The following DSTYK variants were observed in gnomAD, a reference collection of about 807,000 sequenced individuals.
The protein encoded by DSTYK is RIP-homologous kinase.
DSTYK carries 34 observed loss-of-function variants against 98.7 expected under a neutral mutation model. The ratio of observed to expected loss-of-function variants is 0.34; its 90% CI spans 0.26 to 0.46. The LOEUF is 0.46. Among genes scored for constraint, DSTYK ranks in the 20% least tolerant of loss-of-function variants. The pLI, the probability that DSTYK is intolerant of heterozygous loss-of-function variation, is 1.00. For missense variants in DSTYK, 962 were observed against 1,181.7 expected (o/e 0.81, Z 2.73); for synonymous variants, 462 against 457.3 (o/e 1.01, Z -0.13).
rs1330967135 is a variant in DSTYK, at chr1:205,146,690, G to C, written c.*868C>G. Reference sequence around the variant, plus strand: ...AGGTTCAAGCGATTCTCCTGCCTCAGCCTCCTGAGTATCTTGGATTACAGG... The same window carrying C: ...AGGTTCAAGCGATTCTCCTGCCTCACCCTCCTGAGTATCTTGGATTACAGG... On this transcript the variant is annotated 3_prime_UTR_variant, in exon 13 of 13. Transcript: ENST00000367162. 3 of 151,468 alleles carry C rather than the reference G, an allele frequency of 2.0e-5. No individual in the cohort carries two copies. The highest frequency in any genetic ancestry group is 2.9e-5 in the Non-Finnish European group (2 of 68,172). The allele number at this position is 151,468 out of a possible 1,614,324, so 9.4% of individuals were successfully genotyped here. A position where few individuals can be genotyped will look rare whatever the true frequency, so the allele number is the denominator to read the frequency against.
intron 11 of DSTYK, 63 bp from the exon 12 acceptor site, chr1:205,148,402 A>C: frequency 6.3e-7 from 1 of 1,598,398 alleles, no homozygotes; most frequent in Non-Finnish European, 8.5e-7. Context: ...CATCTACACC[A>C]CCTTGCCTCA....
At chr1:205,190,982 A>G (rs1448066460) in intron 1 of DSTYK, among the ~76,000 whole-genome samples, 1 of 152,202 alleles carries the variant, frequency 6.6e-6, no homozygotes, top group Non-Finnish European at 1.5e-5. Flanking sequence ...CAAAGTGTCA[A>G]CTACAGGACA....
chr1:205,181,184 C>A (rs1558616156), intron 2 of DSTYK, among the ~76,000 whole-genome samples: 1 of 152,092 alleles, frequency 6.6e-6, no homozygotes, highest in Non-Finnish European at 1.5e-5. Flanking sequence ...TGGAGTTGAC[C>A]ATTTTTTGGC....
chr1:205,196,506 A>T (rs1574794968), intron 1 of DSTYK, among the ~76,000 whole-genome samples: 1 of 152,146 alleles, frequency 6.6e-6, no homozygotes, highest in East Asian at 1.9e-4. Flanking sequence ...GTGAGCTATG[A>T]TCACACTACT....
chr1:205,204,369 A>C (rs1403069379), intron 1 of DSTYK, among the ~76,000 whole-genome samples: 4 of 151,934 alleles, frequency 2.6e-5, no homozygotes, highest in Non-Finnish European at 2.9e-5. Context: ...TCTAGCTCAA[A>C]ACTGTTCTGT....
At chr1:205,161,076 GTCAT>G (rs929765061) in intron 7 of DSTYK, among the ~76,000 whole-genome samples, 178 bp downstream of exon 7, 7 of 152,120 alleles carry the variant, frequency 4.6e-5, no homozygotes, top group Non-Finnish European at 8.8e-5. Flanking sequence ...ACCTGGCCTG[GTCAT>G]GTTATTTGAA....
In DSTYK at chr1:205,211,503, C is replaced by A; in HGVS notation, c.33G>T (p.Glu11Asp). 1 of 1,571,476 alleles carries A rather than the reference C, an allele frequency of 6.4e-7. No homozygotes were observed. Reference sequence around the variant, plus strand: ...CGCCGGGGCCGGGACCCGAGACGGGCTCGCTGCCCCATGGCACCCCGTCGC... The same window carrying A: ...CGCCGGGGCCGGGACCCGAGACGGGATCGCTGCCCCATGGCACCCCGTCGC... MEGDGVPWGS[E>D]PVSGPGPGGG... is the part of the protein sequence containing the mutation. Residue 11 changes from glutamate to aspartate, a missense_variant, in exon 1 of 13, where the codon GAG (glutamate) becomes GAT (aspartate). Transcript: ENST00000367162.
intron 9 of DSTYK, 76 bp downstream of exon 9, chr1:205,159,471 A>G: frequency 6.8e-7 from 1 of 1,460,338 alleles, no homozygotes; most frequent in Non-Finnish European, 9.2e-7. Flanking sequence ...AAAAGCTCTT[A>G]ATAAACAGGA....
At chr1:205,152,505 C>T (rs950621384) in intron 10 of DSTYK, among the ~76,000 whole-genome samples, 2 of 152,212 alleles carry the variant, frequency 1.3e-5, no homozygotes, top group Admixed American at 6.5e-5. Context: ...CGGACTACAT[C>T]GTATATGTGG....
At chr1:205,201,013 C>T (rs998569274) in intron 1 of DSTYK, among the ~76,000 whole-genome samples, 3 of 152,020 alleles carry the variant, frequency 2.0e-5, no homozygotes, top group Non-Finnish European at 4.4e-5. Flanking sequence ...TCAAGCTGTT[C>T]TCCTGCCTCA....
rs757596231 is a variant in DSTYK at position 205,161,352 on chromosome 1, C to T, written c.1854G>A (p.Thr618=). The change falls in exon 7 of 13, where the codon ACG becomes ACA. Residue 618 remains threonine, a synonymous_variant. Coordinates refer to ENST00000367162, the MANE Select transcript of DSTYK (RefSeq NM_015375.3). ...TCCGAACCCTCAGCCATAGATCTTC[C>T]GTTTTCTCTAACCGGCCTGAGTGGC... ...EAGHSGRLEK[T]EDLWLRVRKD... is the part of the protein sequence containing the mutation. The T allele has an allele frequency of 5.0e-6, 8 of 1,614,164 alleles. No individual in the cohort carries two copies. The highest frequency in any genetic ancestry group is 2.2e-5 in the South Asian group (2 of 91,084).
chr1:205,149,125 C>A (rs567164465), intron 11 of DSTYK, among the ~76,000 whole-genome samples: 5 of 152,018 alleles, frequency 3.3e-5, no homozygotes, highest in Non-Finnish European at 1.5e-5. Flanking sequence ...TAGTCTTGAA[C>A]TCCTGACCTC....
At position 205,187,673 on chromosome 1, in the gene DSTYK, C is replaced by G. The variant is rs1413656421; in HGVS notation, c.399G>C (p.Gly133=). The change falls in exon 2 of 13, where the codon GGG becomes GGC. Residue 133 remains glycine, a synonymous_variant. Coordinates refer to ENST00000367162, the MANE Select transcript of DSTYK (RefSeq NM_015375.3). ...VKCQLLNLLL[G]VQVLPTTKLG... ...GCTTGGTGGTGGGAAGCACCTGCAC[C>G]CCCAACAGCAGATTCAACAGCTGGC... The G allele has an allele frequency of 1.9e-6, 3 of 1,614,048 alleles. No homozygotes were observed. The highest frequency in any genetic ancestry group is 2.5e-6 in the Non-Finnish European group (3 of 1,180,046).
chr1:205,147,298 C>T lies in DSTYK; in HGVS notation c.*260G>A, dbSNP rs1657265372. Reference sequence around the variant, plus strand: ...TTTCATTTGTGAAGCCAGAACACCACATTCCTCAGCTTTTACACATCTGAG... The same window carrying T: ...TTTCATTTGTGAAGCCAGAACACCATATTCCTCAGCTTTTACACATCTGAG... On this transcript the variant is annotated 3_prime_UTR_variant, in exon 13 of 13. Coordinates refer to ENST00000367162, the MANE Select transcript of DSTYK (RefSeq NM_015375.3). 2.9e-6 allele frequency: 1 copy of T among 344,496 alleles called. No homozygotes were observed. Among genetic ancestry groups the T allele is most frequent in the Admixed American group, 4.0e-5 (1 of 24,700 alleles). 21.3% of individuals were successfully genotyped at this position (344,496 alleles called of 1,614,324 possible).
At chr1:205,192,823 T>C (rs908151133) in intron 1 of DSTYK, among the ~76,000 whole-genome samples, 2 of 152,056 alleles carry the variant, frequency 1.3e-5, no homozygotes, top group South Asian at 2.1e-4. Context: ...GATAACGCCA[T>C]TGCACTCCAG....
intron 2 of DSTYK, among the ~76,000 whole-genome samples, chr1:205,173,757 C>T (rs546489501): frequency 6.0e-5 from 9 of 151,138 alleles, no homozygotes; most frequent in East Asian, 2.0e-4. Flanking sequence ...CTCGCTCTGT[C>T]GCCCAGGCTG....
At position 205,211,461 on chromosome 1, in the gene DSTYK, G is replaced by C; in HGVS notation, c.75C>G (p.Arg25=). 6.3e-7 allele frequency: 1 copy of C among 1,594,958 alleles called. No homozygotes were observed. The highest frequency in any genetic ancestry group is 8.5e-7 in the Non-Finnish European group (1 of 1,174,252). Residue 25 remains arginine (R), a synonymous_variant, in exon 1 of 13, where the codon CGC becomes CGG. Coordinates refer to ENST00000367162, the MANE Select transcript of DSTYK (RefSeq NM_015375.3). The stretch of plus-strand genomic sequence containing the variant: ...AGCGGCCGAAGCCCCGGCACAGCTC[G>C]CGGATCATTCCGCCGCCGCCGGGGC... ...GPGPGGGGMI[R]ELCRGFGRYR...
In DSTYK at chr1:205,211,261, C is replaced by T. The variant is rs765600027; in HGVS notation, c.265+10G>A. ...TCCTGCCCTCTCTCCCTCCGGGCTG[C>T]CCTCCTTACCCGCCTGCAGCCCGGT... On this transcript the variant is annotated intron_variant, in intron 1 of 12. Transcript: ENST00000367162. 1.1e-5 allele frequency: 17 copies of T among 1,596,700 alleles called. No homozygotes were observed. In the Admixed American group the frequency reaches 2.2e-4, roughly 21 times the overall value.
chr1:205,205,581 G>A (rs1659175502), intron 1 of DSTYK, among the ~76,000 whole-genome samples: 1 of 151,866 alleles, frequency 6.6e-6, no homozygotes, highest in South Asian at 2.1e-4. Flanking sequence ...GAGCAGCTGG[G>A]ATTATAGGCC....
Sources: gnomAD v4.1 joint callset for allele counts (sites outside exome capture counted in the v4.1 genomes callset) on GRCh38, gnomAD v4.1.1 for gene constraint, MANE v1.5 for transcripts, NCBI Gene and HGNC (gene_info 2026-07-23, HGNC 2026-07-21) for gene names.